Variants in FANCC observed in about 807,000 individuals in gnomAD.
FANCC encodes the protein FA complementation group C.
FANCC carries 55 observed loss-of-function variants against 71.3 expected under a neutral mutation model. The ratio of observed to expected loss-of-function variants is 0.77; its 90% CI spans 0.62 to 0.97. FANCC has a LOEUF of 0.97. FANCC is among the 50% of genes least tolerant of loss of function. The pLI, the probability that FANCC is intolerant of heterozygous loss-of-function variation, is 0.00. For synonymous variants in FANCC, 275 were observed against 244.9 expected (o/e 1.12, Z -1.15); for missense variants, 678 against 670.9 (o/e 1.01, Z -0.12).
In FANCC at chr9:95,264,147, C is replaced by T. The variant is rs1252473249; in HGVS notation, c.-78-14778G>A. Among the ~76,000 whole-genome samples, 3 of 152,150 alleles carry T rather than the reference C, an allele frequency of 2.0e-5. No homozygotes were observed. The South Asian group carries it at 6.2e-4, about 32-fold the overall frequency. Reference sequence around the variant, plus strand: ...TGTGGAACTGCTCTTTTTGCTTAATCCCTTAACACCATTCTTTGGCTTTCC... The same window carrying T: ...TGTGGAACTGCTCTTTTTGCTTAATTCCTTAACACCATTCTTTGGCTTTCC... On this transcript the variant is annotated intron_variant, in intron 1 of 14. Coordinates refer to ENST00000289081, the MANE Select transcript of FANCC (RefSeq NM_000136.3).
At chr9:95,159,020 A>C (rs1830596492) in intron 6 of FANCC, among the ~76,000 whole-genome samples, 1 of 152,128 alleles carries the variant, frequency 6.6e-6, no homozygotes, top group South Asian at 2.1e-4. Context: ...ATGATGGAAG[A>C]ATTTTTTTTG....
chr9:95,144,362 T>G (rs1238570258), intron 7 of FANCC, among the ~76,000 whole-genome samples: 1 of 152,188 alleles, frequency 6.6e-6, no homozygotes, highest in Non-Finnish European at 1.5e-5. Context: ...AGACATAACT[T>G]TCCAAACCAA....
intron 1 of FANCC, chr9:95,316,720 A>C (rs1477844354): frequency 1.3e-5 from 2 of 152,154 alleles, no homozygotes; most frequent in South Asian, 4.1e-4. Context: ...ATGTTATAAA[A>C]CTCCAAGTCT....
rs566834615 is a variant in FANCC at position 95,310,971 on chromosome 9, G to A, written c.-79+6555C>T. ...TCAATAAATCAGGCGTTGGCCAGGA[G>A]CGGTGGCTCACGCCTGTAATCCCAG... On this transcript the variant is annotated intron_variant, in intron 1 of 14. Transcript: ENST00000289081. 1.5e-4 allele frequency among the ~76,000 whole-genome samples: 23 copies of A among 152,274 alleles called. No homozygotes were observed. In the East Asian group the frequency reaches 4.4e-3, roughly 29 times the overall value.
rs375479917 is a variant in FANCC, at chr9:95,302,081, C to CAAAAAAAAAAAAAA, written c.-79+15431_-79+15444dup. 5.4e-4 allele frequency among the ~76,000 whole-genome samples: 53 copies of CAAAAAAAAAAAAAA among 98,932 alleles called. 1 individual carries two copies. In the East Asian group the frequency reaches 8.2e-3, roughly 15 times the overall value. 64.9% of individuals were successfully genotyped at this position (98,932 alleles called of 152,430 possible). On this transcript the variant is annotated intron_variant, in intron 1 of 14. Transcript: ENST00000289081. The stretch of plus-strand genomic sequence containing the variant: ...TGGGAGACAGAGTGAGACTCCATCT[C>CAAAAAAAAAAAAAA]AAAAAAAAAAAAAAAACAAAGAAAA...
Position 95,293,640 on chromosome 9 carries a change from G to C in FANCC, c.-79+23886C>G, listed in dbSNP as rs1239121209. 4.3e-6 allele frequency: 7 copies of C among 1,614,072 alleles called. No homozygotes were observed. The African/African-American group carries it at 9.3e-5, about 22-fold the overall frequency. The stretch of plus-strand genomic sequence containing the variant: ...ACCTTCTGCACAGTGGGCCACCGCT[G>C]ATTCCTCTGTGTCGTCTTGTTCTCA... On this transcript the variant is annotated intron_variant, in intron 1 of 14. Coordinates refer to ENST00000289081, the MANE Select transcript of FANCC (RefSeq NM_000136.3).
intron 7 of FANCC, among the ~76,000 whole-genome samples, chr9:95,141,929 A>G (rs1330904310): frequency 1.3e-5 from 2 of 151,932 alleles, no homozygotes; most frequent in African/African-American, 2.4e-5. Flanking sequence ...ATTGTCAAAA[A>G]TAATACAATT....
At chr9:95,138,748 G>A (rs1483332042) in intron 7 of FANCC, among the ~76,000 whole-genome samples, 1 of 152,204 alleles carries the variant, frequency 6.6e-6, no homozygotes, top group African/African-American at 2.4e-5. Context: ...ACTCAGGCCA[G>A]GCCGCCAGGA....
At chr9:95,275,574 G>A (rs1354659180) in intron 1 of FANCC, among the ~76,000 whole-genome samples, 3 of 151,868 alleles carry the variant, frequency 2.0e-5, no homozygotes, top group Non-Finnish European at 2.9e-5. Context: ...ACAGTAGGGG[G>A]ATGTTATGCA....
Position 95,247,468 on chromosome 9 carries a change from C to T in FANCC, c.214G>A (p.Ala72Thr), listed in dbSNP as rs567465885. The stretch of plus-strand genomic sequence containing the variant: ...ATAAAAGGATTCCAACAAGCTTTTG[C>T]CAACAGTTGACCAATTGTGGGGAAT... ...ERFPTIGQLLAKACWNPFILA... is the reference protein window; with the variant it reads ...ERFPTIGQLLTKACWNPFILA... The change falls in exon 3 of 15, where the codon GCA becomes ACA. Residue 72 changes from alanine (A) to threonine (T), a missense_variant. Transcript: ENST00000289081. 7 of 1,613,616 alleles carry T rather than the reference C, an allele frequency of 4.3e-6. No individual in the cohort carries two copies. In the South Asian group the frequency reaches 6.6e-5, roughly 15 times the overall value.
chr9:95,149,883 G>GAAA (rs775097304), intron 7 of FANCC, 40 bp downstream of exon 7: 3 of 1,561,654 alleles, frequency 1.9e-6, no homozygotes, highest in Non-Finnish European at 2.6e-6. Flanking sequence ...CTAAGAAAAG[G>GAAA]AAAAACGACG....
intron 7 of FANCC, among the ~76,000 whole-genome samples, chr9:95,139,994 C>G (rs763653011): frequency 5.9e-5 from 9 of 151,786 alleles, no homozygotes; most frequent in Non-Finnish European, 1.2e-4. Flanking sequence ...TTTTTCTTCT[C>G]TATAATGGTT....
chr9:95,245,047 G>A (rs557026635), intron 3 of FANCC, among the ~76,000 whole-genome samples: 16 of 151,996 alleles, frequency 1.1e-4, no homozygotes, highest in African/African-American at 1.7e-4. Flanking sequence ...ACCTCCCCAC[G>A]TTTCTCACAT....
intron 4 of FANCC, among the ~76,000 whole-genome samples, chr9:95,195,724 TGA>T (rs1827415295): frequency 6.6e-6 from 1 of 152,016 alleles, no homozygotes; most frequent in Non-Finnish European, 1.5e-5. Flanking sequence ...TTTACTAAGT[TGA>T]GTCTTCAATG....
intron 1 of FANCC, among the ~76,000 whole-genome samples, chr9:95,271,513 G>T (rs1284459846): frequency 1.3e-5 from 2 of 152,164 alleles, no homozygotes; most frequent in East Asian, 3.9e-4. Context: ...GCCGCCAGAA[G>T]TGAGAGGAAG....
At chr9:95,198,504 G>C (rs902574410) in intron 4 of FANCC, among the ~76,000 whole-genome samples, 2 of 152,154 alleles carry the variant, frequency 1.3e-5, no homozygotes, top group African/African-American at 4.8e-5. Flanking sequence ...GGTCAGGGAA[G>C]ATTTTACAGC....
At chr9:95,206,533 A>G (rs965418578) in intron 4 of FANCC, among the ~76,000 whole-genome samples, 1 of 152,214 alleles carries the variant, frequency 6.6e-6, no homozygotes, top group East Asian at 1.9e-4. Context: ...AAAACTGGAC[A>G]CTTTTAACAT....
chr9:95,295,626 G>A (rs147117964), intron 1 of FANCC, among the ~76,000 whole-genome samples: 78 of 152,236 alleles, frequency 5.1e-4, no homozygotes, highest in African/African-American at 1.9e-3. Context: ...AAATTAGCCA[G>A]GCAGGATGGC....
intron 3 of FANCC, among the ~76,000 whole-genome samples, chr9:95,246,736 G>A (rs988232694): frequency 2.0e-5 from 3 of 152,170 alleles, no homozygotes; most frequent in Non-Finnish European, 2.9e-5. Context: ...CTATTTCAAA[G>A]GAGAATGAGT....
Sources: allele counts gnomAD v4.1 joint callset (sites outside exome capture counted in the v4.1 genomes callset), GRCh38; gene constraint gnomAD v4.1.1; transcripts MANE v1.5; gene names NCBI Gene and HGNC (gene_info 2026-07-23, HGNC 2026-07-21).